The following BEND5 variants were observed in gnomAD, a reference collection of about 807,000 sequenced individuals.
BEND5 encodes BEN domain containing 5.
A neutral mutation model predicts 43.9 loss-of-function variants in BEND5; 22 were observed. The ratio of observed to expected loss-of-function variants is 0.50; its 90% CI spans 0.36 to 0.72. The LOEUF (loss-of-function observed/expected upper bound fraction) is 0.72, where lower values mean the gene tolerates loss of function less well. Among genes scored for constraint, BEND5 ranks in the 30% least tolerant of loss-of-function variants. BEND5 has a pLI of 0.00. For missense variants in BEND5, 428 were observed against 550.6 expected (o/e 0.78, Z 2.23); for synonymous variants, 228 against 225.9 (o/e 1.01, Z -0.08).
At position 48,759,020 on chromosome 1, in the gene BEND5, T is replaced by G. The variant is rs1414444755; in HGVS notation, c.625A>C (p.Arg209=). The change falls in exon 3 of 6, where the codon AGG becomes CGG. Residue 209 remains arginine, a synonymous_variant. Coordinates refer to ENST00000371833, the MANE Select transcript of BEND5 (RefSeq NM_024603.4). The stretch of plus-strand genomic sequence containing the variant: ...TTCTTGGCCTGTTGTACCAGCTGCC[T>G]CCGAGTCCGCTCCAGCTCCTGCTGG... ...HLQQELERTR[R]QLVQQAKKLK... 1.2e-6 allele frequency: 2 copies of G among 1,613,912 alleles called. No homozygotes were observed. Among genetic ancestry groups the G allele is most frequent in the Non-Finnish European group, 1.7e-6 (2 of 1,179,992 alleles).
chr1:48,756,227 G>A (rs11586913), intron 3 of BEND5, among the ~76,000 whole-genome samples: 29,476 of 152,142 alleles, frequency 0.19, 3,643 homozygotes, highest in East Asian at 0.48. Context: ...TCCTGTTTGG[G>A]TAACAAAAAT....
chr1:48,736,546 T>A lies in BEND5; in HGVS notation c.895-94A>T. 1.9e-6 allele frequency: 2 copies of A among 1,063,226 alleles called. No homozygotes were observed. The highest frequency in any genetic ancestry group is 2.8e-6 in the Non-Finnish European group (2 of 707,374). The allele number at this position is 1,063,226 out of a possible 1,614,324, so 65.9% of individuals were successfully genotyped here. A position where few individuals can be genotyped will look rare whatever the true frequency, so the allele number is the denominator to read the frequency against. ...TTTAAAAAGCATTGCTGCACAACTGTAAGAGATTCATGTCATAAATATGAA... is the reference window on the plus strand; with the variant it reads ...TTTAAAAAGCATTGCTGCACAACTGAAAGAGATTCATGTCATAAATATGAA... On this transcript the variant is annotated intron_variant, in intron 4 of 5. Transcript: ENST00000371833. The surrounding 1 kb of genome is among the most constrained non-coding windows in gnomAD (Gnocchi z 4.0).
At chr1:48,764,262 A>C (rs1644419552) in intron 1 of BEND5, among the ~76,000 whole-genome samples, 1 of 152,232 alleles carries the variant, frequency 6.6e-6, no homozygotes, top group African/African-American at 2.4e-5. Context: ...GGTGATCTTG[A>C]GTAAGTTAAT....
At chr1:48,759,626 G>A (rs1327487055) in intron 2 of BEND5, among the ~76,000 whole-genome samples, 2 of 152,136 alleles carry the variant, frequency 1.3e-5, no homozygotes, top group Admixed American at 1.3e-4. Context: ...CACCCACAAT[G>A]CCTAGGCAGT....
chr1:48,758,548 T>C (rs2148654929), intron 3 of BEND5, among the ~76,000 whole-genome samples: 1 of 152,386 alleles, frequency 6.6e-6, no homozygotes, highest in Admixed American at 6.5e-5. Context: ...TCATGTCTAC[T>C]TCTTTTTACT....
Position 48,727,938 on chromosome 1 carries a change from T to C in BEND5, c.1214A>G (p.Asn405Ser), listed in dbSNP as rs1317739667. 1.2e-6 allele frequency: 2 copies of C among 1,612,010 alleles called. No homozygotes were observed. The highest frequency in any genetic ancestry group is 1.7e-6 in the Non-Finnish European group (2 of 1,178,270). Residue 405 changes from asparagine to serine, a missense_variant, in exon 6 of 6, where the codon AAT becomes AGT. Around this residue, in one of 4 missense-constraint regions of BEND5, gnomAD observed 75 missense variants for 148.5 expected, o/e 0.50. Coordinates refer to ENST00000371833, the MANE Select transcript of BEND5 (RefSeq NM_024603.4). The part of the protein sequence containing the change: ...KYICEKIMDI[N>S]KSCKNEERRE... ...TCGTTCTTCATTTTTACAGGATTTA[T>C]TGATATCCATGATTTTTTCACAGAT...
chr1:48,736,553 T>C lies in BEND5; in HGVS notation c.895-101A>G. The C allele has an allele frequency of 9.9e-7, 1 of 1,012,956 alleles. No individual in the cohort carries two copies. The highest frequency in any genetic ancestry group is 2.4e-5 in the East Asian group (1 of 41,588). 62.7% of individuals were successfully genotyped at this position (1,012,956 alleles called of 1,614,324 possible). A position where few individuals can be genotyped will look rare whatever the true frequency, so the allele number is the denominator to read the frequency against. ...AGCATTGCTGCACAACTGTAAGAGA[T>C]TCATGTCATAAATATGAAATTAACT... On this transcript the variant is annotated intron_variant, in intron 4 of 5. Coordinates refer to ENST00000371833, the MANE Select transcript of BEND5 (RefSeq NM_024603.4). The surrounding 1 kb of genome is among the most constrained non-coding windows in gnomAD (Gnocchi z 4.0).
intron 2 of BEND5, among the ~76,000 whole-genome samples, chr1:48,759,632 G>A (rs182601888): frequency 6.6e-6 from 1 of 152,308 alleles, no homozygotes; most frequent in Non-Finnish European, 1.5e-5. Context: ...CAATGCCTAG[G>A]CAGTGGCTTG....
At chr1:48,749,553 C>A (rs1242010544) in intron 3 of BEND5, among the ~76,000 whole-genome samples, 2 of 152,176 alleles carry the variant, frequency 1.3e-5, no homozygotes, top group Non-Finnish European at 2.9e-5. Flanking sequence ...TACCCTACCC[C>A]TCCTCAATGA....
intron 3 of BEND5, among the ~76,000 whole-genome samples, chr1:48,750,125 T>C (rs1235982246): frequency 2.6e-5 from 4 of 152,032 alleles, no homozygotes; most frequent in African/African-American, 9.7e-5. Flanking sequence ...CCTTCCAGAG[T>C]AGGGACCATA....
chr1:48,743,178 C>A (rs1194958513), intron 3 of BEND5, among the ~76,000 whole-genome samples: 1 of 152,074 alleles, frequency 6.6e-6, no homozygotes, highest in East Asian at 1.9e-4. Flanking sequence ...TGGAGAAGGC[C>A]GTAACAGAAG....
intron 4 of BEND5, among the ~76,000 whole-genome samples, chr1:48,737,029 A>T (rs1649167986): frequency 6.6e-6 from 1 of 152,172 alleles, no homozygotes; most frequent in Non-Finnish European, 1.5e-5. Flanking sequence ...CACACCTGTA[A>T]TCCCAGCACT....
intron 2 of BEND5, among the ~76,000 whole-genome samples, chr1:48,760,325 G>A (rs1468487556): frequency 6.6e-6 from 1 of 152,202 alleles, no homozygotes. Context: ...TGGGGCATGT[G>A]TAGGAAGTGC....
intron 3 of BEND5, among the ~76,000 whole-genome samples, chr1:48,752,417 C>T (rs918749676): frequency 2.6e-5 from 4 of 152,058 alleles, no homozygotes; most frequent in Non-Finnish European, 4.4e-5. Flanking sequence ...AAAAGTTGGG[C>T]GTGGTAATGG....
chr1:48,753,672 A>G (rs1475222137), intron 3 of BEND5, among the ~76,000 whole-genome samples: 2 of 152,232 alleles, frequency 1.3e-5, no homozygotes, highest in Non-Finnish European at 2.9e-5. Flanking sequence ...TCTAGCCAAC[A>G]GGACATTTTC....
chr1:48,732,821 G>A (rs939902514), intron 5 of BEND5, among the ~76,000 whole-genome samples: 1 of 152,206 alleles, frequency 6.6e-6, no homozygotes, highest in Non-Finnish European at 1.5e-5. Flanking sequence ...AAGCTGAGGA[G>A]TGCTTGGTAG....
At chr1:48,757,510 T>C (rs1471901191) in intron 3 of BEND5, among the ~76,000 whole-genome samples, 1 of 152,158 alleles carries the variant, frequency 6.6e-6, no homozygotes, top group Non-Finnish European at 1.5e-5. Flanking sequence ...AGCCTATGAA[T>C]TGAGTGACTA....
chr1:48,759,703 T>A (rs1041680457), intron 2 of BEND5, among the ~76,000 whole-genome samples: 2 of 152,196 alleles, frequency 1.3e-5, no homozygotes, highest in African/African-American at 4.8e-5. Flanking sequence ...CCAGGCCAAG[T>A]GATCCCAGAG....
At chr1:48,737,764 C>T (rs1287499608) in intron 4 of BEND5, among the ~76,000 whole-genome samples, 1 of 152,148 alleles carries the variant, frequency 6.6e-6, no homozygotes, top group East Asian at 1.9e-4. Flanking sequence ...TTAGATCTCA[C>T]AAGTCATTTA....
Sources: gnomAD v4.1 joint callset for allele counts (sites outside exome capture counted in the v4.1 genomes callset) on GRCh38, gnomAD v4.1.1 for gene constraint, gnomAD v4.1.1 regional missense constraint, Gnocchi (gnomAD v3.1) non-coding constraint, MANE v1.5 for transcripts, NCBI Gene and HGNC (gene_info 2026-07-23, HGNC 2026-07-21) for gene names.